GFOD1: variants seen among roughly 807,000 people sequenced by gnomAD.
The protein encoded by GFOD1 is glucose-fructose oxidoreductase domain-containing protein 1.
GFOD1 carries 9 observed loss-of-function variants against 25.4 expected under a neutral mutation model. The observed-to-expected ratio is 0.35, with a 90% CI of 0.21 to 0.62. The LOEUF is 0.62. Ranked by LOEUF, GFOD1 falls within the 20% of genes least tolerant of loss-of-function variation. The pLI is 0.72. For missense variants in GFOD1, 403 were observed against 556.9 expected (o/e 0.72, Z 2.78); for synonymous variants, 253 against 245.6 (o/e 1.03, Z -0.28).
rs550880062 is a variant in GFOD1 at position 13,479,318 on chromosome 6, T to C, written c.253+7320A>G. Among the ~76,000 whole-genome samples the C allele has an allele frequency of 7.9e-5, 12 of 152,314 alleles. No individual in the cohort carries two copies. In the East Asian group the frequency reaches 2.3e-3, roughly 29 times the overall value. ...GGTCTTTATATTTTCCCTCTCATTT[T>C]ACTTATCACACCAACCCTATATGAT... is the stretch of plus-strand genomic sequence containing the variant. On this transcript the variant is annotated intron_variant, in intron 1 of 1. Coordinates refer to ENST00000379287, the MANE Select transcript of GFOD1 (RefSeq NM_018988.4).
intron 1 of GFOD1, among the ~76,000 whole-genome samples, chr6:13,400,947 G>C (rs1310117914): frequency 2.6e-5 from 4 of 152,200 alleles, no homozygotes; most frequent in Non-Finnish European, 5.9e-5. Context: ...GGTGGGGACA[G>C]GAAACAATGA....
Position 13,364,615 on chromosome 6 carries a change from A to T in GFOD1, c.*128T>A. 2.6e-6 allele frequency: 2 copies of T among 783,922 alleles called. No individual in the cohort carries two copies. Among genetic ancestry groups the T allele is most frequent in the Non-Finnish European group, 4.0e-6 (2 of 500,676 alleles). 48.6% of individuals were successfully genotyped at this position (783,922 alleles called of 1,614,324 possible). ...ATTGGAGTTTACCTTCCTAGATGCCATTTATTCACACTGTCCCTCCACCTC... is the reference window on the plus strand; with the variant it reads ...ATTGGAGTTTACCTTCCTAGATGCCTTTTATTCACACTGTCCCTCCACCTC... On this transcript the variant is annotated 3_prime_UTR_variant, in exon 2 of 2. Coordinates refer to ENST00000379287, the MANE Select transcript of GFOD1 (RefSeq NM_018988.4). The surrounding 1 kb of genome is among the most constrained non-coding windows in gnomAD (Gnocchi z 4.1).
chr6:13,442,638 A>G (rs1011729045), intron 1 of GFOD1, among the ~76,000 whole-genome samples: 2 of 152,216 alleles, frequency 1.3e-5, no homozygotes, highest in African/African-American at 2.4e-5. Flanking sequence ...CCATTCCAAA[A>G]GTCTTAGAGT....
chr6:13,375,456 A>G (rs1584611689), intron 1 of GFOD1, among the ~76,000 whole-genome samples: 1 of 152,208 alleles, frequency 6.6e-6, no homozygotes, highest in Admixed American at 6.5e-5. Context: ...GCTGGGTGAC[A>G]TCTAAAGTCT....
At chr6:13,472,371 A>G (rs1026698193) in intron 1 of GFOD1, among the ~76,000 whole-genome samples, 1 of 152,210 alleles carries the variant, frequency 6.6e-6, no homozygotes, top group Admixed American at 6.5e-5. Flanking sequence ...TGTAGCTGGC[A>G]CTCAATAAAT....
At position 13,373,140 on chromosome 6, in the gene GFOD1, G is replaced by A. The variant is rs536752425; in HGVS notation, c.254-7478C>T. Among the ~76,000 whole-genome samples the A allele has an allele frequency of 3.9e-5, 6 of 152,332 alleles. No homozygotes were observed. In the South Asian group the frequency reaches 1.0e-3, roughly 26 times the overall value. ...TAAGAAAGATGAATAAGAGCTCACA[G>A]TCTAGTAGAGGAGACCAATCAGGAA... On this transcript the variant is annotated intron_variant, in intron 1 of 1. Coordinates refer to ENST00000379287, the MANE Select transcript of GFOD1 (RefSeq NM_018988.4).
intron 1 of GFOD1, among the ~76,000 whole-genome samples, chr6:13,422,835 G>T (rs1435505792): frequency 1.3e-5 from 2 of 152,214 alleles, no homozygotes; most frequent in Admixed American, 6.5e-5. Flanking sequence ...AAGTGCCCTG[G>T]TGGGAATGTC....
chr6:13,385,501 G>A (rs551293172), intron 1 of GFOD1, among the ~76,000 whole-genome samples: 18 of 152,086 alleles, frequency 1.2e-4, no homozygotes, highest in Non-Finnish European at 2.4e-4. Context: ...TAGGAATGTG[G>A]GTCCAAAGAG....
At chr6:13,443,862 A>G (rs1186204933) in intron 1 of GFOD1, among the ~76,000 whole-genome samples, 1 of 150,690 alleles carries the variant, frequency 6.6e-6, no homozygotes, top group Non-Finnish European at 1.5e-5. Flanking sequence ...CCCAACCTTC[A>G]GCAACCAGCA....
chr6:13,475,719 AAATAATAATAAT>A (rs56303574), intron 1 of GFOD1, among the ~76,000 whole-genome samples: 67,010 of 135,084 alleles, frequency 0.5, 19,490 homozygotes, highest in Non-Finnish European at 0.62. Flanking sequence ...CTCCATCTCA[AAATAATAATAAT>A]AATAATAATA....
At chr6:13,378,049 G>A (rs1033196632) in intron 1 of GFOD1, among the ~76,000 whole-genome samples, 3 of 152,216 alleles carry the variant, frequency 2.0e-5, no homozygotes, top group Non-Finnish European at 4.4e-5. Flanking sequence ...ACAAGGAAGA[G>A]AAGAGGAGCT....
Position 13,487,322 on chromosome 6 carries a change from G to A in GFOD1, c.-432C>T, listed in dbSNP as rs1309541209. Reference sequence around the variant, plus strand: ...ACCGGCTCTCTCCCGCGTCGTTTGCGCAGCCGGCGAATCGCACAGACAAAC... The same window carrying A: ...ACCGGCTCTCTCCCGCGTCGTTTGCACAGCCGGCGAATCGCACAGACAAAC... On this transcript the variant is annotated 5_prime_UTR_variant, in exon 1 of 2. Transcript: ENST00000379287. This position sits in a 1 kb window ranked among gnomAD's most constrained non-coding sequence, Gnocchi z 4.9. The A allele has an allele frequency of 5.9e-6, 1 of 169,600 alleles. No homozygotes were observed. 10.5% of individuals were successfully genotyped at this position (169,600 alleles called of 1,614,324 possible).
intron 1 of GFOD1, among the ~76,000 whole-genome samples, chr6:13,466,328 C>G (rs1335672888): frequency 6.6e-6 from 1 of 152,192 alleles, no homozygotes; most frequent in Non-Finnish European, 1.5e-5. Context: ...TTTCAAGACC[C>G]TCTCTGGGTT....
chr6:13,415,493 C>T (rs925056408), intron 1 of GFOD1, among the ~76,000 whole-genome samples: 3 of 152,174 alleles, frequency 2.0e-5, no homozygotes, highest in East Asian at 3.8e-4. Context: ...GAAGTGGATG[C>T]TACTGGGCAC....
intron 1 of GFOD1, among the ~76,000 whole-genome samples, chr6:13,414,360 G>A (rs1228360975): frequency 6.6e-6 from 1 of 152,244 alleles, no homozygotes; most frequent in Non-Finnish European, 1.5e-5. Context: ...GAAGCACTGG[G>A]CAGAGTCGGC....
intron 1 of GFOD1, among the ~76,000 whole-genome samples, chr6:13,456,203 A>C (rs1358520191): frequency 6.6e-6 from 1 of 152,004 alleles, no homozygotes; most frequent in Non-Finnish European, 1.5e-5. Flanking sequence ...TGGCTCTGTC[A>C]CCCTCTCTCA....
chr6:13,389,454 T>G (rs1460477656), intron 1 of GFOD1, among the ~76,000 whole-genome samples: 1 of 152,190 alleles, frequency 6.6e-6, no homozygotes, highest in Non-Finnish European at 1.5e-5. Flanking sequence ...TGAGTTCATG[T>G]CCTTTGCAGG....
rs962315366 is a variant in GFOD1, at chr6:13,360,448, A to G, written c.*4295T>C. 3 of 346,358 alleles carry G rather than the reference A, an allele frequency of 8.7e-6. No homozygotes were observed. Among genetic ancestry groups the G allele is most frequent in the Non-Finnish European group, 1.1e-5 (2 of 174,852 alleles). The allele number at this position is 346,358 out of a possible 1,614,324, so 21.5% of individuals were successfully genotyped here. ...CACAGCTAAAATTGGAGTGACAAAC[A>G]AACGAACTTTAAAGCCCCACTCCCT... On this transcript the variant is annotated 3_prime_UTR_variant, in exon 2 of 2. Transcript: ENST00000379287.
chr6:13,438,622 A>G (rs1008167790), intron 1 of GFOD1, among the ~76,000 whole-genome samples: 1 of 152,172 alleles, frequency 6.6e-6, no homozygotes, highest in Non-Finnish European at 1.5e-5. Context: ...GACCCAACAT[A>G]TATATTATTT....
Sources: allele counts gnomAD v4.1 joint callset (sites outside exome capture counted in the v4.1 genomes callset), GRCh38; gene constraint gnomAD v4.1.1; non-coding constraint Gnocchi (gnomAD v3.1); transcripts MANE v1.5; gene names NCBI Gene and HGNC (gene_info 2026-07-23, HGNC 2026-07-21).